DGKD: variants seen among roughly 807,000 people sequenced by gnomAD.
DGKD encodes the protein diacylglycerol kinase delta, also known as DAG kinase delta.
DGKD carries 68 observed loss-of-function variants against 154.4 expected under a neutral mutation model. The observed-to-expected ratio is 0.44, with a 90% CI of 0.36 to 0.54. DGKD has a LOEUF of 0.54. Among genes scored for constraint, DGKD ranks in the 20% least tolerant of loss-of-function variants. DGKD has a pLI of 0.00. For synonymous variants in DGKD, 693 were observed against 638.0 expected, an observed-to-expected ratio of 1.09 and a Z score of -1.30; for missense variants, 1,343 against 1,593.6, an observed-to-expected ratio of 0.84 and a Z score of 2.68.
chr2:233,420,893 T>C (rs2062092160), intron 3 of DGKD, among the ~76,000 whole-genome samples: 1 of 152,146 alleles, frequency 6.6e-6, no homozygotes, highest in African/African-American at 2.4e-5. Context: ...CTGCTGTGAA[T>C]ATGCTTATCT....
In DGKD at chr2:233,370,837, C is replaced by T. The variant is rs558012540; in HGVS notation, c.156+16163C>T. Among the ~76,000 whole-genome samples, 4 of 151,812 alleles carry T rather than the reference C, an allele frequency of 2.6e-5. No individual in the cohort carries two copies. In the South Asian group the frequency reaches 6.2e-4, roughly 24 times the overall value. ...TGCAGTCATGGCTCACTGCAGCCTCCACATCTTGGGCTCAAGCAGTCCTCC... is the reference window on the plus strand; with the variant it reads ...TGCAGTCATGGCTCACTGCAGCCTCTACATCTTGGGCTCAAGCAGTCCTCC... On this transcript the variant is annotated intron_variant, in intron 1 of 29. Coordinates refer to ENST00000264057, the MANE Select transcript of DGKD (RefSeq NM_152879.3).
chr2:233,416,656 A>G (rs1410728486), intron 3 of DGKD, among the ~76,000 whole-genome samples: 1 of 152,216 alleles, frequency 6.6e-6, no homozygotes, highest in Non-Finnish European at 1.5e-5. Flanking sequence ...GGTGGCTGTC[A>G]GACTTAAGAA....
chr2:233,445,127 T>C lies in DGKD; in HGVS notation c.1195-496T>C, dbSNP rs953150742. ...GTAGCCTCCAGACTGAGGATGGTCC[T>C]GGCACCTTTTTTGGATAGGATTTAG... On this transcript the variant is annotated intron_variant, in intron 10 of 29. Transcript: ENST00000264057. This position sits in a 1 kb window ranked among gnomAD's most constrained non-coding sequence, Gnocchi z 5.5. Among the ~76,000 whole-genome samples the C allele has an allele frequency of 6.6e-6, 1 of 152,162 alleles. No individual in the cohort carries two copies. Among genetic ancestry groups the C allele is most frequent in the African/African-American group, 2.4e-5 (1 of 41,448 alleles).
In DGKD at chr2:233,451,063, C is replaced by T. The variant is rs201981051; in HGVS notation, c.2167+13C>T. ...ATCCTGTACCCAAGTGAGTGGCGGC[C>T]AGCAGGAGGGACTGGTGGGGGCCCT... On this transcript the variant is annotated intron_variant, in intron 17 of 29. Coordinates refer to ENST00000264057, the MANE Select transcript of DGKD (RefSeq NM_152879.3). 4.3e-4 allele frequency: 688 copies of T among 1,595,802 alleles called. 2 individuals carry two copies. The highest frequency in any genetic ancestry group is 5.7e-4 in the Non-Finnish European group (659 of 1,165,054).
intron 3 of DGKD, among the ~76,000 whole-genome samples, chr2:233,432,543 C>T (rs1364451931): frequency 6.6e-6 from 1 of 152,178 alleles, no homozygotes; most frequent in Non-Finnish European, 1.5e-5. Flanking sequence ...CCTGTAGTCC[C>T]AGCTACTCGG....
chr2:233,409,298 A>G (rs916926164), intron 3 of DGKD, among the ~76,000 whole-genome samples: 1 of 152,262 alleles, frequency 6.6e-6, no homozygotes, highest in African/African-American at 2.4e-5. Flanking sequence ...AATGGCAGAG[A>G]AAACAAAGTG....
intron 27 of DGKD, 124 bp from the exon 28 acceptor site, chr2:233,466,960 AAG>A: frequency 2.7e-6 from 2 of 728,320 alleles, no homozygotes; most frequent in Non-Finnish European, 5.0e-6. Context: ...TTTCAGGCAC[AAG>A]AGGTCTTTCC....
chr2:233,370,454 T>G (rs1574987827), intron 1 of DGKD, among the ~76,000 whole-genome samples: 2 of 152,142 alleles, frequency 1.3e-5, no homozygotes, highest in Admixed American at 1.3e-4. Context: ...TGACCTCAAG[T>G]GATCTGACCG....
chr2:233,468,377 T>C, intron 28 of DGKD, 46 bp from the exon 29 acceptor site: 1 of 1,603,912 alleles, frequency 6.2e-7, no homozygotes, highest in East Asian at 2.2e-5. Context: ...TACCTTGCAC[T>C]GGGCTCTGGG....
At position 233,459,746 on chromosome 2, in the gene DGKD, T is replaced by C. The variant is rs1164411368; in HGVS notation, c.2695-11T>C. The C allele has an allele frequency of 2.5e-6, 4 of 1,612,918 alleles. No individual in the cohort carries two copies. The highest frequency in any genetic ancestry group is 3.4e-6 in the Non-Finnish European group (4 of 1,179,474). On this transcript the variant is annotated splice_polypyrimidine_tract_variant and intron_variant, in intron 22 of 29. Transcript: ENST00000264057. The surrounding 1 kb of genome is among the most constrained non-coding windows in gnomAD (Gnocchi z 5.7). Reference sequence around the variant, plus strand: ...GGCTCAGCATGAGTAATGGCTATGATGTCTGCTCAGTGTCGCACGGTGAAG... The same window carrying C: ...GGCTCAGCATGAGTAATGGCTATGACGTCTGCTCAGTGTCGCACGGTGAAG...
intron 3 of DGKD, among the ~76,000 whole-genome samples, chr2:233,404,257 C>G (rs776604629): frequency 6.6e-6 from 1 of 151,774 alleles, no homozygotes; most frequent in Non-Finnish European, 1.5e-5. Flanking sequence ...CATCACTGAT[C>G]AGTTAAACTT....
chr2:233,437,424 C>G lies in DGKD; in HGVS notation c.867C>G (p.Gly289=). The G allele has an allele frequency of 6.2e-7, 1 of 1,614,230 alleles. No individual in the cohort carries two copies. The highest frequency in any genetic ancestry group is 8.5e-7 in the Non-Finnish European group (1 of 1,180,048). The change falls in exon 8 of 30, where the codon GGC becomes GGG. Residue 289 remains glycine, a synonymous_variant. Coordinates refer to ENST00000264057, the MANE Select transcript of DGKD (RefSeq NM_152879.3). ...CCTTGCTGACCAAGTGCCCACTTGG[C>G]CTGTGCAAAGTGTCAGTCATCCCAC... ...KESLLTKCPL[G]LCKVSVIPPT...
At chr2:233,423,937 C>T (rs1028040192) in intron 3 of DGKD, among the ~76,000 whole-genome samples, 2 of 152,320 alleles carry the variant, frequency 1.3e-5, no homozygotes, top group Non-Finnish European at 2.9e-5. Flanking sequence ...CCTTGTCAGG[C>T]TGCCATCTTC....
Position 233,468,473 on chromosome 2 carries a change from C to T in DGKD, c.3475C>T (p.Leu1159Phe), listed in dbSNP as rs1340217061. ...TGCTGCCTGGCTGGAGCACCTCAGT[C>T]TCTGTGAGTATAAGGACATCTTCAC... is the stretch of plus-strand genomic sequence containing the variant. ...EVAAWLEHLS[L>F]CEYKDIFTRH... The change falls in exon 29 of 30, where the codon CTC becomes TTC. Residue 1159 changes from leucine to phenylalanine, a missense_variant. Transcript: ENST00000264057. 5 of 1,613,600 alleles carry T rather than the reference C, an allele frequency of 3.1e-6. No individual in the cohort carries two copies. The East Asian group carries it at 6.7e-5, about 22-fold the overall frequency.
chr2:233,448,848 G>A (rs2063171501), intron 14 of DGKD, among the ~76,000 whole-genome samples: 1 of 152,236 alleles, frequency 6.6e-6, no homozygotes. Context: ...TTTCTATGCA[G>A]ACTAAGACTC....
At chr2:233,416,739 C>G (rs2061969797) in intron 3 of DGKD, among the ~76,000 whole-genome samples, 2 of 152,218 alleles carry the variant, frequency 1.3e-5, no homozygotes, top group Non-Finnish European at 2.9e-5. Context: ...TTTGGTTTGC[C>G]TTTCCTTGTC....
At chr2:233,442,048 A>T in intron 10 of DGKD, 53 bp downstream of exon 10, 1 of 1,473,854 alleles carries the variant, frequency 6.8e-7, no homozygotes, top group South Asian at 1.1e-5. Context: ...CGGAGGTTAG[A>T]GGGAAATCAT....
chr2:233,425,695 T>C (rs918847926), intron 3 of DGKD, among the ~76,000 whole-genome samples: 8 of 152,228 alleles, frequency 5.3e-5, no homozygotes, highest in African/African-American at 1.9e-4. Context: ...GGTTGTTCCA[T>C]ATAAGAACAT....
At chr2:233,444,247 T>G (rs920268902) in intron 10 of DGKD, among the ~76,000 whole-genome samples, 1 of 152,098 alleles carries the variant, frequency 6.6e-6, no homozygotes, top group African/African-American at 2.4e-5. Context: ...GGACAGTTGT[T>G]CTTGGTTCGT....
Sources: allele counts gnomAD v4.1 joint callset (sites outside exome capture counted in the v4.1 genomes callset), GRCh38; gene constraint gnomAD v4.1.1; non-coding constraint Gnocchi (gnomAD v3.1); transcripts MANE v1.5; gene names NCBI Gene and HGNC (gene_info 2026-07-23, HGNC 2026-07-21).